TDG: variants seen among roughly 807,000 people sequenced by gnomAD.
TDG encodes the protein G/T mismatch-specific thymine DNA glycosylase.
TDG carries 23 observed loss-of-function variants against 46.1 expected under a neutral mutation model. The observed-to-expected ratio is 0.50, with a 90% confidence interval of 0.36 to 0.71. The LOEUF (loss-of-function observed/expected upper bound fraction) is 0.71, where lower values mean the gene tolerates loss of function less well. Among genes scored for constraint, TDG ranks in the 30% least tolerant of loss-of-function variants. TDG has a pLI of 0.00. For missense variants in TDG, 304 were observed against 486.7 expected (o/e 0.62, Z 3.53); for synonymous variants, 115 against 161.3 (o/e 0.71, Z 2.18).
At chr12:103,980,137 G>A (rs1162150701) in intron 3 of TDG, 65 bp downstream of exon 3, 2 of 1,593,554 alleles carry the variant, frequency 1.3e-6, no homozygotes, top group African/African-American at 2.7e-5. Context: ...CTTAACAGTT[G>A]TCCTTGCAAA....
chr12:103,981,104 T>C (rs1871801277), intron 4 of TDG, 142 bp downstream of exon 4: 4 of 685,064 alleles, frequency 5.8e-6, no homozygotes, highest in Non-Finnish European at 9.8e-6. Context: ...TGTGTGTCTG[T>C]ACGTGAAAAT....
chr12:103,970,641 G>T (rs898888909), intron 1 of TDG, among the ~76,000 whole-genome samples: 35 of 152,026 alleles, frequency 2.3e-4, no homozygotes, highest in African/African-American at 8.0e-4. Flanking sequence ...TAGCTACTCA[G>T]GAGGCTGAGG....
In TDG at chr12:103,965,935, G is replaced by A; in HGVS notation, c.-103G>A. The A allele has an allele frequency of 2.0e-6, 3 of 1,494,164 alleles. No individual in the cohort carries two copies. The highest frequency in any genetic ancestry group is 2.7e-6 in the Non-Finnish European group (3 of 1,109,594). 92.6% of individuals were successfully genotyped at this position (1,494,164 alleles called of 1,614,324 possible). On this transcript the variant is annotated 5_prime_UTR_variant, in exon 1 of 10. Transcript: ENST00000392872. ...GGGTACTGCCAGCCATCGGGCCCAG[G>A]TCTCTGGGGTTGTCTTACCGCAGTG...
chr12:103,969,571 A>G (rs1871203017), intron 1 of TDG, among the ~76,000 whole-genome samples: 1 of 152,242 alleles, frequency 6.6e-6, no homozygotes. Context: ...GAATTAACTG[A>G]TTGATTTAAT....
At chr12:103,985,080 T>C (rs61937634) in intron 8 of TDG, among the ~76,000 whole-genome samples, 160 bp downstream of exon 8, 2 of 150,662 alleles carry the variant, frequency 1.3e-5, no homozygotes, top group African/African-American at 2.4e-5. Flanking sequence ...TATACATATA[T>C]ACACATAAGT....
chr12:103,971,816 T>C (rs1377311719), intron 1 of TDG, among the ~76,000 whole-genome samples: 2 of 152,174 alleles, frequency 1.3e-5, no homozygotes, highest in Non-Finnish European at 1.5e-5. Flanking sequence ...CTGTTTTGAG[T>C]CTAGACAGAT....
chr12:103,981,089 C>T, intron 4 of TDG, 127 bp downstream of exon 4: 4 of 760,402 alleles, frequency 5.3e-6, no homozygotes. Flanking sequence ...GTTTCATGTT[C>T]TGTGTGTGTG....
chr12:103,979,593 G>A (rs1203530858), intron 2 of TDG, among the ~76,000 whole-genome samples: 1 of 152,102 alleles, frequency 6.6e-6, no homozygotes, highest in Non-Finnish European at 1.5e-5. Flanking sequence ...AATAGTCTAT[G>A]ATTATTCTTC....
In TDG at chr12:103,980,243, G is replaced by A. The variant is rs1871758807; in HGVS notation, c.408+171G>A. On this transcript the variant is annotated intron_variant, in intron 3 of 9. Transcript: ENST00000392872. ...GTGTTATATGAGAGTGTTTAAGAGG[G>A]TGGGCTCCAAATTTAGACTGTCTGG... The A allele has an allele frequency of 4.7e-6, 4 of 843,994 alleles. No individual in the cohort carries two copies. In the East Asian group the frequency reaches 1.1e-4, roughly 24 times the overall value. The allele number at this position is 843,994 out of a possible 1,614,324, so 52.3% of individuals were successfully genotyped here.
rs574227535 is a variant in TDG at position 103,977,418 on chromosome 12, C to G, written c.166+358C>G. ...AGAGCAGAGAAATAACACCAGGGCT[C>G]TGAAACTCCAACAATGTGGAGGCTT... On this transcript the variant is annotated intron_variant, in intron 2 of 9. Coordinates refer to ENST00000392872, the MANE Select transcript of TDG (RefSeq NM_003211.6). 9.8e-5 allele frequency among the ~76,000 whole-genome samples: 15 copies of G among 152,302 alleles called. 1 individual carries two copies. In the East Asian group the frequency reaches 2.1e-3, roughly 22 times the overall value.
In TDG at chr12:103,987,150, G is replaced by C; in HGVS notation, c.*60G>C. On this transcript the variant is annotated 3_prime_UTR_variant, in exon 10 of 10. Transcript: ENST00000392872. ...GTTTTAATGCAGTTGTCAACAAGTA[G>C]AACCTCAGTTTGCTAACTGAAGTGT... 2.5e-6 allele frequency: 4 copies of C among 1,593,638 alleles called. No individual in the cohort carries two copies. Among genetic ancestry groups the C allele is most frequent in the Non-Finnish European group, 3.4e-6 (4 of 1,165,724 alleles).
intron 1 of TDG, among the ~76,000 whole-genome samples, chr12:103,969,297 G>C (rs1016639390): frequency 6.6e-6 from 1 of 152,232 alleles, no homozygotes; most frequent in African/African-American, 2.4e-5. Flanking sequence ...AGATGACCTA[G>C]CTTCAAAGTC....
intron 1 of TDG, among the ~76,000 whole-genome samples, chr12:103,974,617 T>A (rs1262791775): frequency 2.0e-5 from 3 of 152,284 alleles, no homozygotes; most frequent in South Asian, 4.1e-4. Context: ...GAGCTTCCTG[T>A]TCTCTTTCAA....
chr12:103,968,093 G>C (rs1334902331), intron 1 of TDG: 1 of 152,154 alleles, frequency 6.6e-6, no homozygotes, highest in African/African-American at 2.4e-5. Context: ...CCAAAGTGCT[G>C]GGATTACAAG....
At chr12:103,972,142 A>G (rs1479435310) in intron 1 of TDG, among the ~76,000 whole-genome samples, 3 of 151,642 alleles carry the variant, frequency 2.0e-5, no homozygotes, top group African/African-American at 4.8e-5. Flanking sequence ...TTTTTTAGAC[A>G]GAGTCTTGCT....
chr12:103,987,783 C>T lies in TDG; in HGVS notation c.*693C>T, dbSNP rs1256030577. 1.3e-5 allele frequency: 2 copies of T among 152,528 alleles called. No homozygotes were observed. The highest frequency in any genetic ancestry group is 2.9e-5 in the Non-Finnish European group (2 of 68,038). 9.4% of individuals were successfully genotyped at this position (152,528 alleles called of 1,614,324 possible). The stretch of plus-strand genomic sequence containing the variant: ...AGAGAATGCAGTAGACCTTTTGCCA[C>T]TCATCTGTGTTTTACTTGAGACATG... On this transcript the variant is annotated 3_prime_UTR_variant, in exon 10 of 10. Transcript: ENST00000392872.
chr12:103,968,516 T>G (rs1871161006), intron 1 of TDG, among the ~76,000 whole-genome samples: 1 of 152,176 alleles, frequency 6.6e-6, no homozygotes, highest in Non-Finnish European at 1.5e-5. Flanking sequence ...TGATTTGGAT[T>G]TTACATCTCC....
intron 1 of TDG, among the ~76,000 whole-genome samples, chr12:103,975,029 A>G (rs1204164160): frequency 6.6e-6 from 1 of 151,906 alleles, no homozygotes; most frequent in Admixed American, 6.6e-5. Flanking sequence ...TCCTCTCCAA[A>G]TAGTAAAGCA....
rs770442089 is a variant in TDG at position 103,982,790 on chromosome 12, A to C, written c.479-9A>C. ...AAAAAAAATAAATAACTGAATTTTCATTTTACAGGGAAGTGTTTGTTTATG... is the reference window on the plus strand; with the variant it reads ...AAAAAAAATAAATAACTGAATTTTCCTTTTACAGGGAAGTGTTTGTTTATG... On this transcript the variant is annotated splice_polypyrimidine_tract_variant and intron_variant, in intron 4 of 9. Transcript: ENST00000392872. 5.0e-6 allele frequency: 8 copies of C among 1,611,308 alleles called. No homozygotes were observed. Among genetic ancestry groups the C allele is most frequent in the Non-Finnish European group, 5.9e-6 (7 of 1,179,628 alleles).
Sources: allele counts gnomAD v4.1 joint callset (sites outside exome capture counted in the v4.1 genomes callset), GRCh38; gene constraint gnomAD v4.1.1; transcripts MANE v1.5; gene names NCBI Gene and HGNC (gene_info 2026-07-23, HGNC 2026-07-21).